The following RGL1 variants were observed in gnomAD, a reference collection of about 807,000 sequenced individuals.
The protein encoded by RGL1 is ral guanine nucleotide dissociation stimulator-like 1.
Under a neutral mutation model 95.2 loss-of-function variants are expected in RGL1, and 24 were observed. The ratio of observed to expected loss-of-function variants is 0.25; its 90% confidence interval spans 0.18 to 0.35. RGL1 has a LOEUF of 0.35. RGL1 is among the 10% of genes least tolerant of loss of function. RGL1 has a pLI of 1.00. For missense variants in RGL1, 715 were observed against 936.3 expected (o/e 0.76, Z 3.08); for synonymous variants, 329 against 344.9 (o/e 0.95, Z 0.51).
intron 1 of RGL1, among the ~76,000 whole-genome samples, chr1:183,639,720 A>G (rs921903866): frequency 6.7e-6 from 1 of 150,174 alleles, no homozygotes; most frequent in Non-Finnish European, 1.5e-5. Context: ...AAAATCAGGG[A>G]AAAAAATCTC....
chr1:183,636,241 G>T, exon 1 of RGL1: 2 of 399,082 alleles, frequency 5.0e-6, no homozygotes, highest in South Asian at 2.5e-4. Context: ...CTGGCTGCCG[G>T]ACCGAGTGCC....
At chr1:183,830,907 G>T (rs2102487258) in intron 2 of RGL1, among the ~76,000 whole-genome samples, 1 of 152,234 alleles carries the variant, frequency 6.6e-6, no homozygotes, top group African/African-American at 2.4e-5. Flanking sequence ...CGCATGCATT[G>T]AATTCAGATT....
rs1441736946 is a variant in RGL1, at chr1:183,875,857, C to T, written c.426-4759C>T. On this transcript the variant is annotated intron_variant, in intron 4 of 17. Transcript: ENST00000360851. ...TTGCGCCACTGCACTCCAGCCTGGG[C>T]GACAGCTCTGTCTCAAAAAAAAAAA... is the stretch of plus-strand genomic sequence containing the variant. 3.1e-5 allele frequency among the ~76,000 whole-genome samples: 4 copies of T among 129,146 alleles called. No homozygotes were observed. In the East Asian group the frequency reaches 6.6e-4, roughly 21 times the overall value. 84.7% of individuals were successfully genotyped at this position (129,146 alleles called of 152,430 possible).
At chr1:183,820,280 AGGTTACTTTCT>A (rs974141700) in intron 2 of RGL1, among the ~76,000 whole-genome samples, 3 of 152,192 alleles carry the variant, frequency 2.0e-5, no homozygotes, top group Admixed American at 1.3e-4. Flanking sequence ...CAAATTAGAA[AGGTTACTTTCT>A]AATTTGAATC....
intron 1 of RGL1, among the ~76,000 whole-genome samples, chr1:183,670,665 CA>C (rs1336730049): frequency 2.6e-5 from 4 of 152,132 alleles, no homozygotes; most frequent in African/African-American, 9.7e-5. Context: ...ATATTTGGGG[CA>C]GTGGTTTGTC....
chr1:183,892,691 A>C (rs1195459985), intron 9 of RGL1, among the ~76,000 whole-genome samples: 2 of 152,220 alleles, frequency 1.3e-5, no homozygotes, highest in Non-Finnish European at 2.9e-5. Flanking sequence ...TGAATGCCTA[A>C]TATTTGTAAA....
rs758132039 is a variant in RGL1, at chr1:183,652,152, A to G, written c.-33+15651A>G. ...GATGTGTATGTGGAGTTAACTATAT[A>G]TAATGGTCCCATAATTACCCTTTTG... On this transcript the variant is annotated intron_variant, in intron 1 of 18. Transcript: ENST00000304685. Among the ~76,000 whole-genome samples, 53 of 152,228 alleles carry G rather than the reference A, an allele frequency of 3.5e-4. 1 individual carries two copies. The highest frequency in any genetic ancestry group is 1.5e-4 in the Non-Finnish European group (10 of 68,048).
intron 2 of RGL1, among the ~76,000 whole-genome samples, chr1:183,742,500 T>C (rs1021175763): frequency 5.3e-5 from 8 of 152,298 alleles, no homozygotes; most frequent in African/African-American, 1.9e-4. Flanking sequence ...GAGGCTGCAC[T>C]GAAAGCCAGC....
chr1:183,661,828 C>T (rs1024711127), intron 1 of RGL1, among the ~76,000 whole-genome samples: 2 of 147,438 alleles, frequency 1.4e-5, no homozygotes, highest in Non-Finnish European at 3.0e-5. Flanking sequence ...ACTGGCAAAC[C>T]GAATCCAGCA....
chr1:183,721,865 A>C (rs1171422511), intron 1 of RGL1, among the ~76,000 whole-genome samples: 1 of 152,236 alleles, frequency 6.6e-6, no homozygotes, highest in East Asian at 1.9e-4. Context: ...TATCACAATG[A>C]TGATGGTATT....
At chr1:183,680,599 G>C (rs931553407) in intron 1 of RGL1, among the ~76,000 whole-genome samples, 2 of 152,116 alleles carry the variant, frequency 1.3e-5, no homozygotes, top group African/African-American at 4.8e-5. Flanking sequence ...ACACTTTGAA[G>C]TCAGGTAGCG....
chr1:183,809,980 C>T (rs1198523979), intron 2 of RGL1, among the ~76,000 whole-genome samples: 2 of 152,076 alleles, frequency 1.3e-5, no homozygotes, highest in Non-Finnish European at 2.9e-5. Flanking sequence ...TAATTTCACC[C>T]AGACATTCAC....
chr1:183,819,064 A>G (rs1662277371), intron 2 of RGL1, among the ~76,000 whole-genome samples: 1 of 152,162 alleles, frequency 6.6e-6, no homozygotes, highest in Non-Finnish European at 1.5e-5. Context: ...TCAAGGATAG[A>G]CCTCTGGGAA....
chr1:183,781,017 C>T (rs1283800369), intron 2 of RGL1, among the ~76,000 whole-genome samples: 1 of 152,200 alleles, frequency 6.6e-6, no homozygotes, highest in Non-Finnish European at 1.5e-5. Context: ...CCAAGCACCT[C>T]TTTTCTAGCC....
chr1:183,751,980 G>A (rs1320664262), intron 2 of RGL1, among the ~76,000 whole-genome samples: 1 of 152,094 alleles, frequency 6.6e-6, no homozygotes, highest in Non-Finnish European at 1.5e-5. Context: ...CTGCAGACTG[G>A]AGCTGTTCCT....
At chr1:183,879,764 A>G (rs1278587152) in intron 4 of RGL1, among the ~76,000 whole-genome samples, 1 of 152,200 alleles carries the variant, frequency 6.6e-6, no homozygotes, top group Non-Finnish European at 1.5e-5. Context: ...CATGCAAAAC[A>G]TTTTATCCTT....
chr1:183,805,610 G>T (rs1193352858), intron 1 of RGL1, among the ~76,000 whole-genome samples: 1 of 152,244 alleles, frequency 6.6e-6, no homozygotes, highest in Non-Finnish European at 1.5e-5. Context: ...GTGAACCGCG[G>T]AGCGCTTCTG....
At chr1:183,649,851 G>C (rs112405015) in intron 1 of RGL1, among the ~76,000 whole-genome samples, 5 of 152,254 alleles carry the variant, frequency 3.3e-5, no homozygotes, top group African/African-American at 7.2e-5. Context: ...TTGCTCTGTT[G>C]CTCAGATTGC....
intron 2 of RGL1, among the ~76,000 whole-genome samples, chr1:183,783,304 G>A (rs940647744): frequency 1.3e-5 from 2 of 152,006 alleles, no homozygotes; most frequent in African/African-American, 4.8e-5. Flanking sequence ...AGAAAATAAG[G>A]AACACACACA....
Sources: gnomAD v4.1 joint callset for allele counts (sites outside exome capture counted in the v4.1 genomes callset) on GRCh38, gnomAD v4.1.1 for gene constraint, MANE v1.5 for transcripts, NCBI Gene and HGNC (gene_info 2026-07-23, HGNC 2026-07-21) for gene names.